Variants in ARAP2 observed in about 807,000 individuals in gnomAD.
The protein encoded by ARAP2 is ArfGAP with RhoGAP domain, ankyrin repeat and PH domain 2, also known as arf-GAP with Rho-GAP domain, ANK repeat and PH domain-containing protein 2.
Under a neutral mutation model 194.5 loss-of-function variants are expected in ARAP2, and 148 were observed. That is an observed-to-expected ratio of 0.76 (90% CI 0.67 to 0.87). The LOEUF (loss-of-function observed/expected upper bound fraction) is 0.87, where lower values mean the gene tolerates loss of function less well. ARAP2 is among the 40% of genes least tolerant of loss of function. The pLI, the probability that ARAP2 is intolerant of heterozygous loss-of-function variation, is 0.00. For synonymous variants in ARAP2, 695 were observed against 683.5 expected, an observed-to-expected ratio of 1.02 and a Z score of -0.26; for missense variants, 2,128 against 1,989.7, an observed-to-expected ratio of 1.07 and a Z score of -1.32.
intron 5 of ARAP2, among the ~76,000 whole-genome samples, chr4:36,040,670 T>C (rs1209748734): frequency 7.0e-6 from 1 of 143,140 alleles, no homozygotes; most frequent in East Asian, 2.1e-4. Flanking sequence ...GGAATGCTAG[T>C]GATGTTTGTA....
chr4:36,207,703 CTGTT>C (rs1333461944), intron 6 of ARAP2, among the ~76,000 whole-genome samples: 1 of 151,876 alleles, frequency 6.6e-6, no homozygotes, highest in Non-Finnish European at 1.5e-5. Context: ...TAGAATGTGT[CTGTT>C]AGTTTTTAAA....
At chr4:36,076,157 T>C (rs1166638866) in intron 31 of ARAP2, among the ~76,000 whole-genome samples, 4 of 152,170 alleles carry the variant, frequency 2.6e-5, no homozygotes, top group Non-Finnish European at 5.9e-5. Context: ...ATATCTATAA[T>C]TGCTCAGCTC....
intron 31 of ARAP2, among the ~76,000 whole-genome samples, chr4:36,077,719 T>A (rs1327297383): frequency 6.6e-6 from 1 of 152,178 alleles, no homozygotes; most frequent in Non-Finnish European, 1.5e-5. Flanking sequence ...AAATAATTTT[T>A]TTCAATTAAA....
Position 36,121,193 on chromosome 4 carries a change from C to A in ARAP2, c.3880G>T (p.Val1294Leu). Reference protein sequence around the residue: ...NVIEDLINNYVEIFEVKEDQV... With the variant: ...NVIEDLINNYLEIFEVKEDQV... Reference sequence around the variant, plus strand: ...AAAATAATTACCTCAAATATTTCTACATAATTATTAATTAGGTCCTCAATT... The same window carrying A: ...AAAATAATTACCTCAAATATTTCTAAATAATTATTAATTAGGTCCTCAATT... The change falls in exon 23 of 33, where the codon GTA (valine) becomes TTA (leucine). Residue 1294 changes from valine (V) to leucine (L), a missense_variant. Transcript: ENST00000303965. 3 of 1,592,702 alleles carry A rather than the reference C, an allele frequency of 1.9e-6. No homozygotes were observed. The highest frequency in any genetic ancestry group is 2.6e-6 in the Non-Finnish European group (3 of 1,168,088).
At chr4:36,124,302 T>G (rs1393621247) in intron 22 of ARAP2, among the ~76,000 whole-genome samples, 1 of 151,818 alleles carries the variant, frequency 6.6e-6, no homozygotes. Context: ...TAATAATTCC[T>G]GCTAAGATTT....
At chr4:36,128,392 T>G (rs559287472) in intron 21 of ARAP2, 141 bp downstream of exon 21, 33 of 619,440 alleles carry the variant, frequency 5.3e-5, no homozygotes, top group Non-Finnish European at 7.8e-5. Flanking sequence ...TTATGTACAT[T>G]GTTTCTTTCA....
chr4:36,165,231 G>A (rs1330673595), intron 10 of ARAP2, 118 bp from the exon 11 acceptor site: 1 of 924,584 alleles, frequency 1.1e-6, no homozygotes, highest in Admixed American at 2.3e-5. Context: ...AAATATGGCT[G>A]CTAGGCAGTT....
At chr4:36,038,549 G>A (rs927974581) in intron 5 of ARAP2, among the ~76,000 whole-genome samples, 8 of 152,142 alleles carry the variant, frequency 5.3e-5, no homozygotes, top group Non-Finnish European at 7.3e-5. Flanking sequence ...ATATTTTACT[G>A]TCTCTACAGA....
chr4:36,050,738 A>G (rs1722526888), intron 3 of ARAP2, among the ~76,000 whole-genome samples: 2 of 152,248 alleles, frequency 1.3e-5, no homozygotes, highest in African/African-American at 4.8e-5. Flanking sequence ...CTTTCATACA[A>G]CTGAGTACCC....
intron 2 of ARAP2, among the ~76,000 whole-genome samples, chr4:36,226,945 A>T (rs114553422): frequency 0.032 from 4,903 of 152,340 alleles, 120 homozygotes; most frequent in Middle Eastern, 0.058. Flanking sequence ...CCATCTGAAG[A>T]CTTGTCATTT....
chr4:36,120,786 C>CA (rs1268608753), intron 23 of ARAP2, among the ~76,000 whole-genome samples: 64 of 151,578 alleles, frequency 4.2e-4, no homozygotes, highest in African/African-American at 1.5e-3. Flanking sequence ...ACTGGGGACA[C>CA]AACTAAAAGA....
chr4:36,017,656 T>C (rs745617293), intron 6 of ARAP2, among the ~76,000 whole-genome samples: 12 of 147,144 alleles, frequency 8.2e-5, no homozygotes, highest in Admixed American at 2.1e-4. Context: ...ATGTGTTTCC[T>C]ATACCCCTGG....
intron 15 of ARAP2, among the ~76,000 whole-genome samples, chr4:36,157,898 C>A (rs1467321181): frequency 6.6e-6 from 1 of 152,070 alleles, no homozygotes; most frequent in Non-Finnish European, 1.5e-5. Flanking sequence ...GTCATCCTAT[C>A]ATTCTTTTGA....
At position 36,229,139 on chromosome 4, in the gene ARAP2, G is replaced by C. The variant is rs34482185; in HGVS notation, c.348C>G (p.Ser116Arg). 5.9e-3 allele frequency: 9,538 copies of C among 1,614,078 alleles called. 61 individuals carry two copies. The highest frequency in any genetic ancestry group is 0.018 in the South Asian group (1,661 of 91,070). ...LSNSGSVQTSSPPQLETVRKN... is the reference protein window; with the variant it reads ...LSNSGSVQTSRPPQLETVRKN... Reference sequence around the variant, plus strand: ...TTCTAACAGTCTCCAACTGCGGTGGGCTAGATGTCTGAACACTACCAGAAT... The same window carrying C: ...TTCTAACAGTCTCCAACTGCGGTGGCCTAGATGTCTGAACACTACCAGAAT... The change falls in exon 2 of 33, where the codon AGC becomes AGG. Residue 116 changes from serine (S) to arginine (R), a missense_variant. By Grantham distance (110) the Ser-to-Arg change is moderately radical (BLOSUM62 -1). Coordinates refer to ENST00000303965, the MANE Select transcript of ARAP2 (RefSeq NM_015230.4).
chr4:36,214,766 C>T (rs1432838259), intron 2 of ARAP2, among the ~76,000 whole-genome samples: 2 of 152,136 alleles, frequency 1.3e-5, no homozygotes, highest in African/African-American at 4.8e-5. Flanking sequence ...GTGTTTGCTA[C>T]TCACATCTAT....
At chr4:36,213,608 A>G (rs1285270176) in intron 3 of ARAP2, among the ~76,000 whole-genome samples, 2 of 152,088 alleles carry the variant, frequency 1.3e-5, no homozygotes, top group African/African-American at 4.8e-5. Context: ...CATTAACATA[A>G]CCAAATACAT....
At chr4:36,111,620 T>C (rs1720009322) in intron 26 of ARAP2, among the ~76,000 whole-genome samples, 1 of 152,012 alleles carries the variant, frequency 6.6e-6, no homozygotes, top group Admixed American at 6.6e-5. Flanking sequence ...TTATTTTAAT[T>C]AGAAGTAAAA....
At chr4:36,099,244 T>C (rs1410452679) in intron 27 of ARAP2, among the ~76,000 whole-genome samples, 2 of 152,278 alleles carry the variant, frequency 1.3e-5, no homozygotes, top group South Asian at 4.1e-4. Flanking sequence ...CATTCCTTTT[T>C]ATAGCTGCAT....
intron 19 of ARAP2, among the ~76,000 whole-genome samples, chr4:36,144,862 A>T (rs1388542392): frequency 6.6e-6 from 1 of 151,736 alleles, no homozygotes; most frequent in East Asian, 1.9e-4. Flanking sequence ...CTCCTCCTCA[A>T]CCTACATATA....
Sources: allele counts gnomAD v4.1 joint callset (sites outside exome capture counted in the v4.1 genomes callset), GRCh38; gene constraint gnomAD v4.1.1; transcripts MANE v1.5; gene names NCBI Gene and HGNC (gene_info 2026-07-23, HGNC 2026-07-21).